USP48: variants seen among roughly 807,000 people sequenced by gnomAD.
USP48 encodes ubiquitin specific peptidase 48, also known as ubiquitin carboxyl-terminal hydrolase 48.
A neutral mutation model predicts 150.7 loss-of-function variants in USP48; 43 were observed. The observed-to-expected ratio is 0.29, with a 90% CI of 0.22 to 0.37. The LOEUF is 0.37. USP48 is among the 10% of genes least tolerant of loss of function. The pLI is 1.00. For missense variants in USP48, 813 were observed against 1,249.6 expected (o/e 0.65, Z 5.27); for synonymous variants, 396 against 425.9 (o/e 0.93, Z 0.86).
intron 2 of USP48, 57 bp from the exon 3 acceptor site, chr1:21,756,759 T>C: frequency 6.3e-7 from 1 of 1,595,232 alleles, no homozygotes; most frequent in Non-Finnish European, 8.5e-7. Flanking sequence ...ACAACCAATT[T>C]CTAAGCATTA....
intron 1 of USP48, among the ~76,000 whole-genome samples, chr1:21,773,254 CAAAAAAAAAAA>C (rs60704662): frequency 0.046 from 3,067 of 66,196 alleles, 54 homozygotes; most frequent in Middle Eastern, 0.13. Context: ...GACTCGGTCT[CAAAAAAAAAAA>C]AAAAAAAAAG....
chr1:21,724,512 G>T, intron 11 of USP48: 1 of 246,096 alleles, frequency 4.1e-6, no homozygotes, highest in Non-Finnish European at 7.8e-6. Flanking sequence ...ATTTTTGTCA[G>T]TACTTTTCAC....
intron 23 of USP48, among the ~76,000 whole-genome samples, chr1:21,694,014 A>G (rs1398027200): frequency 6.6e-6 from 1 of 152,218 alleles, no homozygotes; most frequent in Non-Finnish European, 1.5e-5. Context: ...ACTGAAACAG[A>G]TTAGGGGCCA....
At chr1:21,765,852 C>T (rs1349380448) in intron 1 of USP48, among the ~76,000 whole-genome samples, 48 of 138,428 alleles carry the variant, frequency 3.5e-4, no homozygotes, top group African/African-American at 1.3e-3. Context: ...TGCAGTTAGC[C>T]GAGATCCCAT....
intron 25 of USP48, among the ~76,000 whole-genome samples, chr1:21,682,328 C>A (rs1019681747): frequency 6.6e-6 from 1 of 152,114 alleles, no homozygotes; most frequent in Admixed American, 6.6e-5. Context: ...GACCCTCTTA[C>A]CCTTAGTTTT....
At chr1:21,764,672 A>AC (rs964553810) in intron 1 of USP48, among the ~76,000 whole-genome samples, 1 of 137,830 alleles carries the variant, frequency 7.3e-6, no homozygotes, top group East Asian at 2.1e-4. Context: ...TGATTGTGCC[A>AC]CCCCACACCA....
At chr1:21,689,465 C>T (rs898153630) in intron 24 of USP48, among the ~76,000 whole-genome samples, 1 of 152,176 alleles carries the variant, frequency 6.6e-6, no homozygotes, top group East Asian at 1.9e-4. Context: ...ATATCACTCC[C>T]TTCCTCCCAG....
intron 12 of USP48, among the ~76,000 whole-genome samples, chr1:21,722,480 AG>A (rs1240579261): frequency 6.7e-6 from 1 of 149,682 alleles, no homozygotes; most frequent in African/African-American, 2.5e-5. Context: ...TCTAGGCTGT[AG>A]TGCACTACGA....
Position 21,783,117 on chromosome 1 carries a change from G to A in USP48, c.-160C>T. On this transcript the variant is annotated 5_prime_UTR_variant, in exon 1 of 27. Coordinates refer to ENST00000308271, the MANE Select transcript of USP48 (RefSeq NM_032236.8). ...CACCTGTGCGCGCCACTGCCGCCGC[G>A]CCCGCCCGCGCCCGACCCGCACGAC... 1 of 1,086,010 alleles carries A rather than the reference G, an allele frequency of 9.2e-7. No individual in the cohort carries two copies. Among genetic ancestry groups the A allele is most frequent in the Non-Finnish European group, 1.2e-6 (1 of 828,540 alleles). 67.3% of individuals were successfully genotyped at this position (1,086,010 alleles called of 1,614,324 possible). A position where few individuals can be genotyped will look rare whatever the true frequency, so the allele number is the denominator to read the frequency against.
chr1:21,697,692 G>C (rs563603400), intron 22 of USP48, among the ~76,000 whole-genome samples: 3 of 149,538 alleles, frequency 2.0e-5, no homozygotes, highest in Admixed American at 6.7e-5. Context: ...GAAAAGAAAA[G>C]GTCAAATTGA....
At chr1:21,720,266 C>G (rs1446001360) in intron 14 of USP48, among the ~76,000 whole-genome samples, 1 of 152,186 alleles carries the variant, frequency 6.6e-6, no homozygotes, top group Non-Finnish European at 1.5e-5. Context: ...GTAGACTTAA[C>G]CTTTCTTGAA....
At chr1:21,758,236 A>AT (rs1372647621) in intron 1 of USP48, among the ~76,000 whole-genome samples, 2 of 151,096 alleles carry the variant, frequency 1.3e-5, no homozygotes, top group Non-Finnish European at 3.0e-5. Flanking sequence ...CATGAAAAAG[A>AT]TATCTATGAA....
chr1:21,728,116 T>C, intron 11 of USP48: 1 of 986,116 alleles, frequency 1.0e-6, no homozygotes, highest in African/African-American at 1.7e-5. Flanking sequence ...ACTCTTAGCA[T>C]AATATTTGGT....
intron 1 of USP48, among the ~76,000 whole-genome samples, chr1:21,779,687 T>A (rs767337418): frequency 6.6e-6 from 1 of 152,136 alleles, no homozygotes; most frequent in African/African-American, 2.4e-5. Flanking sequence ...AACATTATAA[T>A]AGCCAAAAAG....
intron 15 of USP48, among the ~76,000 whole-genome samples, chr1:21,709,453 A>C (rs891674157): frequency 2.0e-5 from 3 of 152,194 alleles, no homozygotes; most frequent in African/African-American, 7.2e-5. Context: ...TTGGATTATC[A>C]AACCTTAACT....
chr1:21,705,690 A>C (rs2097670233), intron 19 of USP48, 37 bp downstream of exon 19: 1 of 1,456,682 alleles, frequency 6.9e-7, no homozygotes, highest in Non-Finnish European at 9.4e-7. Flanking sequence ...AAAAGAGAAA[A>C]GAAGAAAAAA....
At chr1:21,710,667 C>T (rs1194393790) in intron 15 of USP48, among the ~76,000 whole-genome samples, 1 of 151,944 alleles carries the variant, frequency 6.6e-6, no homozygotes, top group African/African-American at 2.4e-5. Context: ...ACATACAACA[C>T]GTTAGAAATA....
chr1:21,749,813 G>A (rs1017094841), intron 6 of USP48, among the ~76,000 whole-genome samples: 3 of 152,030 alleles, frequency 2.0e-5, no homozygotes, highest in African/African-American at 7.2e-5. Context: ...ATGTTGCCTA[G>A]GCTGGTTTCA....
chr1:21,749,731 T>C (rs1371416247), intron 6 of USP48, among the ~76,000 whole-genome samples: 7 of 152,080 alleles, frequency 4.6e-5, no homozygotes, highest in South Asian at 2.1e-4. Flanking sequence ...GCCTCCTGAG[T>C]AGCTGGGATT....
Sources: allele counts gnomAD v4.1 joint callset (sites outside exome capture counted in the v4.1 genomes callset), GRCh38; gene constraint gnomAD v4.1.1; transcripts MANE v1.5; gene names NCBI Gene and HGNC (gene_info 2026-07-23, HGNC 2026-07-21).